USPL1: variants seen among roughly 807,000 people sequenced by gnomAD.
USPL1 encodes SUMO-specific isopeptidase USPL1.
Under a neutral mutation model 51.5 loss-of-function variants are expected in USPL1, and 27 were observed. The observed-to-expected ratio is 0.52, with a 90% CI of 0.39 to 0.72. USPL1 has a LOEUF of 0.72. USPL1 is among the 30% of genes least tolerant of loss of function. The probability of loss-of-function intolerance (pLI) is 0.00; values close to 1 mark genes in which losing one functional copy is unlikely to be tolerated. For synonymous variants in USPL1, 451 were observed against 459.6 expected, an observed-to-expected ratio of 0.98 and a Z score of 0.24; for missense variants, 1,226 against 1,268.0, an observed-to-expected ratio of 0.97 and a Z score of 0.50.
intron 6 of USPL1, among the ~76,000 whole-genome samples, chr13:30,643,937 G>A (rs1220585393): frequency 1.3e-5 from 2 of 151,264 alleles, no homozygotes; most frequent in Non-Finnish European, 2.9e-5. Context: ...AAGTGCTTAA[G>A]TTAGAAAACT....
Position 30,646,936 on chromosome 13 carries a change from A to G in USPL1, c.1117A>G (p.Met373Val), listed in dbSNP as rs771540101. The G allele has an allele frequency of 3.1e-6, 5 of 1,611,962 alleles. No homozygotes were observed. In the Admixed American group the frequency reaches 5.0e-5, roughly 16 times the overall value. Residue 373 changes from methionine (M) to valine (V), a missense_variant, in exon 7 of 9, where the codon ATG becomes GTG. Coordinates refer to ENST00000255304, the MANE Select transcript of USPL1 (RefSeq NM_005800.5). ...QCGHQYQNRH[M>V]KSLVTFTNVI... ...TGTTATGTCATTTTTTTATAGGCAT[A>G]TGAAGAGTCTGGTCACCTTTACAAA... is the stretch of plus-strand genomic sequence containing the variant.
intron 7 of USPL1, among the ~76,000 whole-genome samples, chr13:30,649,612 TAGAATC>T (rs1453890608): frequency 6.6e-6 from 1 of 152,212 alleles, no homozygotes; most frequent in Non-Finnish European, 1.5e-5. Flanking sequence ...ACCAAGAACT[TAGAATC>T]AGATTTCATT....
Position 30,658,396 on chromosome 13 carries a change from C to G in USPL1, c.2319C>G (p.Leu773=), listed in dbSNP as rs752845439. 3.7e-6 allele frequency: 6 copies of G among 1,613,658 alleles called. No individual in the cohort carries two copies. The South Asian group carries it at 5.5e-5, about 15-fold the overall frequency. ...GCAGGGGTGCTTCTTTTATGCCACT[C>G]TGTGTTTCAGCTCATAATAGAAACA... ...LISRGASFMP[L]CVSAHNRNTI... The change falls in exon 9 of 9, where the codon CTC becomes CTG. Residue 773 remains leucine (L), a synonymous_variant. Transcript: ENST00000255304.
intron 7 of USPL1, among the ~76,000 whole-genome samples, chr13:30,649,396 G>T (rs1372208796): frequency 1.3e-5 from 2 of 152,092 alleles, no homozygotes; most frequent in African/African-American, 4.8e-5. Context: ...GTTCATCATG[G>T]TGTCATATGT....
chr13:30,631,056 G>T lies in USPL1; in HGVS notation c.450G>T (p.Ser150=). The T allele has an allele frequency of 6.2e-7, 1 of 1,614,062 alleles. No individual in the cohort carries two copies. The highest frequency in any genetic ancestry group is 8.5e-7 in the Non-Finnish European group (1 of 1,180,032). ...KHNGEVYDET[S]SNLPDSSGQQ... ...ATGGAGAAGTATATGACGAAACCTCGTCAAACTTACCTGATAGTAGTGGTC... is the reference window on the plus strand; with the variant it reads ...ATGGAGAAGTATATGACGAAACCTCTTCAAACTTACCTGATAGTAGTGGTC... The change falls in exon 4 of 9, where the codon TCG becomes TCT. Residue 150 remains serine (S), a synonymous_variant. Coordinates refer to ENST00000255304, the MANE Select transcript of USPL1 (RefSeq NM_005800.5).
chr13:30,626,859 A>T (rs1174834872), intron 3 of USPL1, among the ~76,000 whole-genome samples: 1 of 151,894 alleles, frequency 6.6e-6, no homozygotes, highest in Admixed American at 6.6e-5. Context: ...AGTCTTTTTT[A>T]AAAACCCATG....
At position 30,659,399 on chromosome 13, in the gene USPL1, T is replaced by A. The variant is rs760975974; in HGVS notation, c.*43T>A. The A allele has an allele frequency of 2.8e-6, 4 of 1,422,840 alleles. No homozygotes were observed. The highest frequency in any genetic ancestry group is 3.7e-6 in the Non-Finnish European group (4 of 1,070,034). The allele number at this position is 1,422,840 out of a possible 1,614,324, so 88.1% of individuals were successfully genotyped here. A position where few individuals can be genotyped will look rare whatever the true frequency, so the allele number is the denominator to read the frequency against. ...TTTTTCATATAATATTTATTATTAT[T>A]AGAAGAACTTACAATGTGTTCAGGT... On this transcript the variant is annotated 3_prime_UTR_variant, in exon 9 of 9. Coordinates refer to ENST00000255304, the MANE Select transcript of USPL1 (RefSeq NM_005800.5).
chr13:30,649,843 T>C (rs1468204776), intron 7 of USPL1, among the ~76,000 whole-genome samples: 1 of 152,214 alleles, frequency 6.6e-6, no homozygotes, highest in East Asian at 1.9e-4. Context: ...CCATGTTAGG[T>C]GAATTCAAAT....
intron 5 of USPL1, among the ~76,000 whole-genome samples, chr13:30,639,820 C>T (rs1238652975): frequency 6.6e-6 from 1 of 152,174 alleles, no homozygotes; most frequent in Middle Eastern, 3.2e-3. Context: ...CTTCTAGACT[C>T]CCTACTTCAG....
intron 4 of USPL1, among the ~76,000 whole-genome samples, chr13:30,634,604 A>T (rs1950850915): frequency 6.6e-6 from 1 of 152,164 alleles, no homozygotes; most frequent in Non-Finnish European, 1.5e-5. Flanking sequence ...CAGAATATTC[A>T]TCTACCTGTC....
intron 4 of USPL1, 145 bp from the exon 5 acceptor site, chr13:30,637,599 A>G: frequency 1.6e-6 from 1 of 621,664 alleles, no homozygotes; most frequent in Non-Finnish European, 2.8e-6. Context: ...TATACCACAG[A>G]GAAAGAATTA....
intron 5 of USPL1, among the ~76,000 whole-genome samples, chr13:30,639,191 G>A (rs1950912992): frequency 6.6e-6 from 1 of 151,004 alleles, no homozygotes; most frequent in South Asian, 2.1e-4. Flanking sequence ...ATTCCAGCCT[G>A]GGGACAGAGC....
intron 4 of USPL1, among the ~76,000 whole-genome samples, chr13:30,634,247 T>C (rs1174885364): frequency 6.6e-6 from 1 of 151,986 alleles, no homozygotes; most frequent in Non-Finnish European, 1.5e-5. Flanking sequence ...CAGGCAGGAG[T>C]GTAGACAGCA....
At chr13:30,637,212 C>T (rs951952695) in intron 4 of USPL1, among the ~76,000 whole-genome samples, 5 of 152,188 alleles carry the variant, frequency 3.3e-5, no homozygotes, top group Admixed American at 6.5e-5. Flanking sequence ...GATGTGGAAC[C>T]GGATAAACAC....
At chr13:30,624,072 G>C (rs1324997925) in intron 3 of USPL1, among the ~76,000 whole-genome samples, 2 of 152,194 alleles carry the variant, frequency 1.3e-5, no homozygotes, top group Non-Finnish European at 2.9e-5. Context: ...TGGCCTGGAT[G>C]TGGGATTGGC....
rs1431536673 is a variant in USPL1 at position 30,621,782 on chromosome 13, G to A, written c.118G>A (p.Val40Ile). The A allele has an allele frequency of 5.8e-6, 9 of 1,546,130 alleles. No homozygotes were observed. The highest frequency in any genetic ancestry group is 6.1e-6 in the Non-Finnish European group (7 of 1,150,584). The change falls in exon 3 of 9, where the codon GTT becomes ATT. Residue 40 changes from valine (V) to isoleucine (I), a missense_variant. Transcript: ENST00000255304. The part of the protein sequence containing the change: ...YLGKNFDSAK[V>I]PSDEYCPACR... ...CTTTTAGAATTTTGATTCAGCTAAA[G>A]TTCCATCAGATGAGTATTGCCCTGC...
At chr13:30,649,792 C>A (rs988071003) in intron 7 of USPL1, among the ~76,000 whole-genome samples, 1 of 152,174 alleles carries the variant, frequency 6.6e-6, no homozygotes, top group Admixed American at 6.5e-5. Flanking sequence ...ATTTTCTTTT[C>A]TTTTCCTAAG....
chr13:30,650,730 C>T (rs1951079796), intron 7 of USPL1, among the ~76,000 whole-genome samples: 2 of 152,124 alleles, frequency 1.3e-5, no homozygotes, highest in Admixed American at 6.5e-5. Flanking sequence ...CATAGTGGCT[C>T]ATGCCTGTAA....
chr13:30,657,616 A>C lies in USPL1; in HGVS notation c.1539A>C (p.Pro513=). ...CAGATAAAGAAGCTGCCTGCCTTCC[A>C]CTTAAAAAGACTAATGACCAACACG... is the stretch of plus-strand genomic sequence containing the variant. ...QVTDKEAACL[P]LKKTNDQHAL... is the part of the protein sequence containing the mutation. The change falls in exon 9 of 9, where the codon CCA becomes CCC. Residue 513 remains proline, a synonymous_variant. Transcript: ENST00000255304. 1.2e-6 allele frequency: 2 copies of C among 1,614,228 alleles called. No homozygotes were observed. The highest frequency in any genetic ancestry group is 8.5e-7 in the Non-Finnish European group (1 of 1,180,038).
Sources: allele counts gnomAD v4.1 joint callset (sites outside exome capture counted in the v4.1 genomes callset), GRCh38; gene constraint gnomAD v4.1.1; transcripts MANE v1.5; gene names NCBI Gene and HGNC (gene_info 2026-07-23, HGNC 2026-07-21).